Variants in ARHGAP26 observed in about 807,000 individuals in gnomAD.
ARHGAP26 encodes the protein Rho GTPase activating protein 26.
A neutral mutation model predicts 104.8 loss-of-function variants in ARHGAP26; 38 were observed. That is an observed-to-expected ratio of 0.36 (90% CI 0.28 to 0.48). The LOEUF is 0.48. Ranked by LOEUF, ARHGAP26 falls within the 20% of genes least tolerant of loss-of-function variation. ARHGAP26 has a pLI of 0.99. For synonymous variants in ARHGAP26, 341 were observed against 340.0 expected, an observed-to-expected ratio of 1.00 and a Z score of -0.03; for missense variants, 704 against 947.9, an observed-to-expected ratio of 0.74 and a Z score of 3.38.
chr5:142,877,487 G>A (rs1756300130), intron 3 of ARHGAP26, among the ~76,000 whole-genome samples: 1 of 152,156 alleles, frequency 6.6e-6, no homozygotes, highest in Non-Finnish European at 1.5e-5. Flanking sequence ...TTGGAACCAA[G>A]TGGATGTTAC....
At chr5:142,775,899 T>A (rs535323179) in intron 1 of ARHGAP26, among the ~76,000 whole-genome samples, 1 of 152,234 alleles carries the variant, frequency 6.6e-6, no homozygotes. Flanking sequence ...TTTAAAGTCA[T>A]AAAAATGTAT....
Position 142,949,184 on chromosome 5 carries a change from A to AGAGAGAGAGAGAGAGAG in ARHGAP26, c.1107+17060_1107+17076dup, listed in dbSNP as rs1554167226. On this transcript the variant is annotated intron_variant, in intron 11 of 22. Coordinates refer to ENST00000645722, the MANE Select transcript of ARHGAP26 (RefSeq NM_001135608.3). ...AATTTCCAGAGAGAGAGAGAGAGAGAGAGAGAGAGAGAGAGAGAGAGAGAG... is the reference window on the plus strand; with the variant it reads ...AATTTCCAGAGAGAGAGAGAGAGAGAGAGAGAGAGAGAGAGAGGAGAGAGAGAGAGAGAGAGAGAGAG... Among the ~76,000 whole-genome samples the AGAGAGAGAGAGAGAGAG allele has an allele frequency of 6.9e-3, 162 of 23,412 alleles. 20 individuals are homozygous for AGAGAGAGAGAGAGAGAG. Among genetic ancestry groups the AGAGAGAGAGAGAGAGAG allele is most frequent in the East Asian group, 0.011 (2 of 184 alleles). The allele number at this position is 23,412 out of a possible 152,430, so 15.4% of individuals were successfully genotyped here.
intron 12 of ARHGAP26, among the ~76,000 whole-genome samples, chr5:143,028,361 A>G (rs1781378981): frequency 6.6e-6 from 1 of 152,214 alleles, no homozygotes; most frequent in African/African-American, 2.4e-5. Context: ...TAGTTTATTA[A>G]TTTATTTTAT....
At chr5:142,995,312 T>C (rs1776222829) in intron 11 of ARHGAP26, among the ~76,000 whole-genome samples, 1 of 152,054 alleles carries the variant, frequency 6.6e-6, no homozygotes, top group Non-Finnish European at 1.5e-5. Context: ...CTTAAACAAA[T>C]TTACAAGAAA....
At chr5:143,046,391 G>T (rs1448654575) in intron 14 of ARHGAP26, among the ~76,000 whole-genome samples, 1 of 152,206 alleles carries the variant, frequency 6.6e-6, no homozygotes, top group Non-Finnish European at 1.5e-5. Context: ...TACATTGGAG[G>T]ACTTTGGGTT....
chr5:142,881,363 T>C (rs1756975710), intron 4 of ARHGAP26, among the ~76,000 whole-genome samples: 1 of 152,146 alleles, frequency 6.6e-6, no homozygotes, highest in Non-Finnish European at 1.5e-5. Flanking sequence ...CTGAGTGAGC[T>C]CCCTTTGGGC....
At chr5:143,136,853 A>G (rs142168181) in intron 19 of ARHGAP26, among the ~76,000 whole-genome samples, 2 of 152,382 alleles carry the variant, frequency 1.3e-5, no homozygotes, top group East Asian at 3.9e-4. Context: ...GCATTAAAGT[A>G]CAGGTAACGA....
intron 1 of ARHGAP26, among the ~76,000 whole-genome samples, chr5:142,862,671 A>G (rs1287087348): frequency 6.6e-6 from 1 of 152,196 alleles, no homozygotes; most frequent in East Asian, 1.9e-4. Context: ...CTGGAGAGGC[A>G]GAGCAGTCCT....
intron 22 of ARHGAP26, among the ~76,000 whole-genome samples, chr5:143,218,692 C>T (rs952544273): frequency 1.1e-4 from 17 of 152,216 alleles, no homozygotes; most frequent in African/African-American, 4.1e-4. Context: ...TGAAGAGCCA[C>T]TCAGGCAGCT....
At chr5:142,980,352 CTTTAT>C (rs35267021) in intron 11 of ARHGAP26, among the ~76,000 whole-genome samples, 4,550 of 131,466 alleles carry the variant, frequency 0.035, 103 homozygotes, top group South Asian at 0.083. Flanking sequence ...CTCTAGGAAC[CTTTAT>C]TTTATTTTAT....
At chr5:143,191,264 T>G (rs1288200809) in intron 20 of ARHGAP26, among the ~76,000 whole-genome samples, 2 of 152,244 alleles carry the variant, frequency 1.3e-5, no homozygotes, top group African/African-American at 4.8e-5. Flanking sequence ...GTTGTTTTTA[T>G]TATTCTGTAG....
intron 17 of ARHGAP26, among the ~76,000 whole-genome samples, chr5:143,081,964 C>A (rs181894361): frequency 3.2e-4 from 46 of 144,720 alleles, no homozygotes; most frequent in African/African-American, 1.1e-3. Flanking sequence ...GAGCCGAGAT[C>A]GCGCCACTGC....
At chr5:142,835,703 C>T (rs1227248077) in intron 1 of ARHGAP26, among the ~76,000 whole-genome samples, 1 of 152,168 alleles carries the variant, frequency 6.6e-6, no homozygotes, top group Non-Finnish European at 1.5e-5. Context: ...ACTTTTCACA[C>T]ATTGTCTCAC....
intron 1 of ARHGAP26, among the ~76,000 whole-genome samples, chr5:142,817,480 C>G (rs1184219923): frequency 6.6e-6 from 1 of 152,126 alleles, no homozygotes; most frequent in Non-Finnish European, 1.5e-5. Context: ...GCCTTGCAGT[C>G]CCGGGTTCAT....
intron 20 of ARHGAP26, chr5:143,169,810 G>T (rs571713404): frequency 6.6e-6 from 1 of 152,170 alleles, no homozygotes; most frequent in African/African-American, 2.4e-5. Context: ...TGGGGACTTC[G>T]TGAAGGATTT....
intron 14 of ARHGAP26, among the ~76,000 whole-genome samples, chr5:143,047,712 TG>T (rs1365307539): frequency 6.6e-6 from 1 of 152,240 alleles, no homozygotes; most frequent in Non-Finnish European, 1.5e-5. Context: ...GAGGTTAGAC[TG>T]TTTACATATT....
At chr5:142,925,876 G>T (rs995929617) in intron 10 of ARHGAP26, among the ~76,000 whole-genome samples, 9 of 152,302 alleles carry the variant, frequency 5.9e-5, no homozygotes, top group African/African-American at 2.2e-4. Flanking sequence ...GTAAATTCTA[G>T]ATCTTTGGAG....
At chr5:143,085,044 CAAAAAAAA>C (rs56852430) in intron 17 of ARHGAP26, among the ~76,000 whole-genome samples, 2 of 61,650 alleles carry the variant, frequency 3.2e-5, no homozygotes, top group Admixed American at 1.9e-4. Flanking sequence ...GACTCCATCT[CAAAAAAAA>C]AAAAAAAAAA....
intron 20 of ARHGAP26, among the ~76,000 whole-genome samples, chr5:143,163,363 T>A (rs1801503531): frequency 6.6e-6 from 1 of 152,238 alleles, no homozygotes; most frequent in Non-Finnish European, 1.5e-5. Context: ...TTTCTAGATC[T>A]GCCTTGAAGT....
Sources: gnomAD v4.1 joint callset for allele counts (sites outside exome capture counted in the v4.1 genomes callset) on GRCh38, gnomAD v4.1.1 for gene constraint, MANE v1.5 for transcripts, NCBI Gene and HGNC (gene_info 2026-07-23, HGNC 2026-07-21) for gene names.